Variants in CSMD3 observed in about 807,000 individuals in gnomAD.
CSMD3 encodes the protein CUB and sushi domain-containing protein 3.
CSMD3 carries 177 observed loss-of-function variants against 435.2 expected under a neutral mutation model. The ratio of observed to expected loss-of-function variants is 0.41; its 90% CI spans 0.36 to 0.46. The LOEUF (loss-of-function observed/expected upper bound fraction) is 0.46, where lower values mean the gene tolerates loss of function less well. Ranked by LOEUF, CSMD3 falls within the 20% of genes least tolerant of loss-of-function variation. CSMD3 has a pLI of 0.34. For missense variants in CSMD3, 4,265 were observed against 4,504.6 expected (o/e 0.95, Z 1.52); for synonymous variants, 1,656 against 1,520.5 (o/e 1.09, Z -2.07).
At chr8:112,521,415 T>C (rs1473980978) in intron 27 of CSMD3, among the ~76,000 whole-genome samples, 1 of 151,964 alleles carries the variant, frequency 6.6e-6, no homozygotes, top group African/African-American at 2.4e-5. Flanking sequence ...TATTCCTTCC[T>C]TCTTCAAGCA....
chr8:113,379,305 C>T (rs564887866), intron 1 of CSMD3, among the ~76,000 whole-genome samples: 5 of 152,018 alleles, frequency 3.3e-5, no homozygotes, highest in Admixed American at 6.6e-5. Flanking sequence ...AAAACACACA[C>T]ACACATTCTG....
intron 70 of CSMD3, among the ~76,000 whole-genome samples, chr8:112,228,113 C>A (rs1398020362): frequency 6.6e-6 from 1 of 152,000 alleles, no homozygotes; most frequent in Non-Finnish European, 1.5e-5. Flanking sequence ...TCTGGCTACC[C>A]ACATATTTTT....
intron 1 of CSMD3, chr8:113,377,247 A>C: frequency 3.7e-6 from 2 of 542,366 alleles, no homozygotes; most frequent in Non-Finnish European, 2.6e-6. Flanking sequence ...TACAAAAACA[A>C]ACCGTGGAGC....
intron 1 of CSMD3, among the ~76,000 whole-genome samples, chr8:113,336,231 A>T (rs2094073631): frequency 6.6e-6 from 1 of 151,660 alleles, no homozygotes; most frequent in African/African-American, 2.4e-5. Flanking sequence ...CATACTACTT[A>T]TTATACTTTT....
At chr8:113,301,896 G>A (rs1361118004) in intron 2 of CSMD3, among the ~76,000 whole-genome samples, 1 of 151,832 alleles carries the variant, frequency 6.6e-6, no homozygotes, top group African/African-American at 2.4e-5. Flanking sequence ...CAGAAAATAG[G>A]TCATATACAT....
chr8:112,989,470 T>C (rs1201209661), intron 6 of CSMD3, among the ~76,000 whole-genome samples: 2 of 152,062 alleles, frequency 1.3e-5, no homozygotes, highest in African/African-American at 4.8e-5. Context: ...ATACTGAGTT[T>C]CTACCTTTTG....
intron 2 of CSMD3, among the ~76,000 whole-genome samples, chr8:113,290,470 CATTA>C (rs1170782727): frequency 2.0e-5 from 3 of 151,576 alleles, no homozygotes; most frequent in Non-Finnish European, 4.4e-5. Flanking sequence ...TACATATAGC[CATTA>C]ATTGTTTCCA....
intron 4 of CSMD3, among the ~76,000 whole-genome samples, chr8:113,145,387 C>G (rs914027418): frequency 6.6e-6 from 1 of 151,594 alleles, no homozygotes; most frequent in East Asian, 2.0e-4. Flanking sequence ...AATCTAAACA[C>G]AGTATCCTAT....
At chr8:113,087,518 C>A (rs1427691968) in intron 5 of CSMD3, among the ~76,000 whole-genome samples, 3 of 152,086 alleles carry the variant, frequency 2.0e-5, no homozygotes, top group Non-Finnish European at 4.4e-5. Context: ...AGATATAGAT[C>A]AATGGAACAG....
chr8:112,464,955 T>A (rs1033010309), intron 32 of CSMD3, among the ~76,000 whole-genome samples: 1 of 152,196 alleles, frequency 6.6e-6, no homozygotes, highest in Non-Finnish European at 1.5e-5. Flanking sequence ...TCATGGAAGC[T>A]CTGACCAAAA....
At chr8:113,317,947 A>G (rs980436381) in intron 1 of CSMD3, among the ~76,000 whole-genome samples, 1 of 152,206 alleles carries the variant, frequency 6.6e-6, no homozygotes, top group Admixed American at 6.5e-5. Flanking sequence ...AGCATATAGT[A>G]CGCCTATAGT....
chr8:113,299,923 C>A (rs967756361), intron 2 of CSMD3, among the ~76,000 whole-genome samples: 1 of 151,370 alleles, frequency 6.6e-6, no homozygotes, highest in Non-Finnish European at 1.5e-5. Flanking sequence ...AACCCAGAGG[C>A]AGAGGTTGCA....
intron 1 of CSMD3, among the ~76,000 whole-genome samples, chr8:113,351,679 C>G (rs1184035350): frequency 6.6e-6 from 1 of 152,030 alleles, no homozygotes; most frequent in Non-Finnish European, 1.5e-5. Context: ...ACCAGGCATT[C>G]GCTAAGTGCT....
intron 1 of CSMD3, among the ~76,000 whole-genome samples, chr8:113,391,797 G>A (rs183927637): frequency 2.7e-4 from 41 of 152,066 alleles, no homozygotes; most frequent in Non-Finnish European, 3.1e-4. Context: ...ATTGCTAGAA[G>A]AAGGGGATGA....
At position 113,350,227 on chromosome 8, in the gene CSMD3, T is replaced by C. The variant is rs779926756; in HGVS notation, c.179-35434A>G. Among the ~76,000 whole-genome samples the C allele has an allele frequency of 2.0e-5, 3 of 152,008 alleles. No individual in the cohort carries two copies. The East Asian group carries it at 5.8e-4, about 29-fold the overall frequency. On this transcript the variant is annotated intron_variant, in intron 1 of 70. Transcript: ENST00000297405. Reference sequence around the variant, plus strand: ...AGCTAAGCCCAGACAGCCCAGAGAATGGTAAGACAGAATGAATCGTTGTTT... The same window carrying C: ...AGCTAAGCCCAGACAGCCCAGAGAACGGTAAGACAGAATGAATCGTTGTTT...
intron 12 of CSMD3, among the ~76,000 whole-genome samples, chr8:112,826,834 A>T (rs2079695527): frequency 6.6e-6 from 1 of 152,092 alleles, no homozygotes; most frequent in African/African-American, 2.4e-5. Context: ...GAAACTTTAA[A>T]TTTGATGGTG....
rs892844873 is a variant in CSMD3 at position 112,671,559 on chromosome 8, T to C, written c.2678-5144A>G. On this transcript the variant is annotated intron_variant, in intron 16 of 70. Transcript: ENST00000297405. ...CAATTTTTCTTCTCCTTTGCAATAG[T>C]CTCAAATAGTCTTGCTTGCCTGTTT... 6.6e-5 allele frequency among the ~76,000 whole-genome samples: 10 copies of C among 152,260 alleles called. No individual in the cohort carries two copies. In the South Asian group the frequency reaches 1.5e-3, roughly 22 times the overall value.
intron 1 of CSMD3, among the ~76,000 whole-genome samples, chr8:113,362,288 A>G (rs762516402): frequency 1.3e-5 from 2 of 152,220 alleles, no homozygotes; most frequent in African/African-American, 2.4e-5. Flanking sequence ...GAAAAATACA[A>G]TATCATAATA....
At chr8:113,063,123 G>T (rs1375973128) in intron 5 of CSMD3, among the ~76,000 whole-genome samples, 1 of 150,372 alleles carries the variant, frequency 6.7e-6, no homozygotes, top group Non-Finnish European at 1.5e-5. Flanking sequence ...TTTTACATTT[G>T]AAGTTTTCCT....
Sources: allele counts gnomAD v4.1 joint callset (sites outside exome capture counted in the v4.1 genomes callset), GRCh38; gene constraint gnomAD v4.1.1; transcripts MANE v1.5; gene names NCBI Gene and HGNC (gene_info 2026-07-23, HGNC 2026-07-21).